Variants in FCER2 observed in about 807,000 individuals in gnomAD.
The protein encoded by FCER2 is Fc epsilon receptor II.
FCER2 carries 38 observed loss-of-function variants against 49.7 expected under a neutral mutation model. That is an observed-to-expected ratio of 0.76 (90% confidence interval 0.59 to 1.00). FCER2 has a LOEUF of 1.00. Among genes scored for constraint, FCER2 ranks in the 50% least tolerant of loss-of-function variants. The pLI is 0.00. For missense variants in FCER2, 425 were observed against 419.5 expected (o/e 1.01, Z -0.11); for synonymous variants, 163 against 164.6 (o/e 0.99, Z 0.07).
At chr19:7,701,488 G>A (rs1161550976) in intron 1 of FCER2, among the ~76,000 whole-genome samples, 1 of 152,098 alleles carries the variant, frequency 6.6e-6, no homozygotes, top group East Asian at 1.9e-4. Context: ...GATGCTGGGG[G>A]ACTGTCCTCA....
chr19:7,689,904 C>A (rs984091425), intron 10 of FCER2, among the ~76,000 whole-genome samples: 13 of 152,100 alleles, frequency 8.5e-5, no homozygotes, highest in Admixed American at 4.6e-4. Context: ...GCACGAGCCA[C>A]CCTGCCCGGC....
intron 8 of FCER2, among the ~76,000 whole-genome samples, chr19:7,694,189 G>C (rs910483170): frequency 2.6e-5 from 4 of 152,272 alleles, no homozygotes; most frequent in Middle Eastern, 3.4e-3. Context: ...TCAGCCCTCT[G>C]GAGGTGCAGC....
chr19:7,694,734 G>T (rs142810894), intron 8 of FCER2, among the ~76,000 whole-genome samples: 1 of 152,160 alleles, frequency 6.6e-6, no homozygotes, highest in Non-Finnish European at 1.5e-5. Flanking sequence ...GCCCCAGTTA[G>T]GGCAGCTGGG....
Position 7,690,283 on chromosome 19 carries a change from G to T in FCER2, c.622-18C>A, listed in dbSNP as rs764749532. On this transcript the variant is annotated intron_variant, in intron 9 of 10. Coordinates refer to ENST00000597921, the MANE Select transcript of FCER2 (RefSeq NM_001220500.2). Reference sequence around the variant, plus strand: ...AGGAAGTCCTGGGGGACAGGACAGGGCTGGAGGACTGGAGACATGTGCCCG... The same window carrying T: ...AGGAAGTCCTGGGGGACAGGACAGGTCTGGAGGACTGGAGACATGTGCCCG... 1.2e-6 allele frequency: 2 copies of T among 1,609,548 alleles called. No individual in the cohort carries two copies. Among genetic ancestry groups the T allele is most frequent in the Admixed American group, 1.7e-5 (1 of 60,006 alleles).
chr19:7,693,331 C>T (rs775808623), intron 8 of FCER2, among the ~76,000 whole-genome samples: 20 of 152,106 alleles, frequency 1.3e-4, no homozygotes, highest in Non-Finnish European at 2.4e-4. Flanking sequence ...AGACTAGGTC[C>T]CACAATCCCT....
intron 3 of FCER2, 29 bp from the exon 4 acceptor site, chr19:7,698,438 G>A: frequency 2.5e-6 from 4 of 1,572,990 alleles, no homozygotes; most frequent in Non-Finnish European, 3.5e-6. Context: ...GAGGAGTGGA[G>A]AGGGGGGATT....
In FCER2 at chr19:7,689,042, G is replaced by A; in HGVS notation, c.*151C>T. 1.6e-6 allele frequency: 1 copy of A among 622,588 alleles called. No homozygotes were observed. Among genetic ancestry groups the A allele is most frequent in the Non-Finnish European group, 2.9e-6 (1 of 350,696 alleles). The allele number at this position is 622,588 out of a possible 1,614,324, so 38.6% of individuals were successfully genotyped here. On this transcript the variant is annotated 3_prime_UTR_variant, in exon 11 of 11. Transcript: ENST00000597921. ...GGGTGCTGTTGGGGTGTACTCCTGG[G>A]AAGGCAGGGGCCATAGAGGAGCGGG...
rs1599432339 is a variant in FCER2 at position 7,690,850 on chromosome 19, C to T, written c.470-293G>A. Among the ~76,000 whole-genome samples the T allele has an allele frequency of 2.6e-5, 4 of 152,118 alleles. 1 individual carries two copies. The highest frequency in any genetic ancestry group is 9.6e-5 in the African/African-American group (4 of 41,468). Reference sequence around the variant, plus strand: ...CTACCATCAGCATCTCCACAAACACCTCATGGCCAGAAGCACCACAAGCAC... The same window carrying T: ...CTACCATCAGCATCTCCACAAACACTTCATGGCCAGAAGCACCACAAGCAC... On this transcript the variant is annotated intron_variant, in intron 8 of 10. Transcript: ENST00000597921.
chr19:7,694,160 A>G (rs2032956357), intron 8 of FCER2, among the ~76,000 whole-genome samples: 1 of 152,122 alleles, frequency 6.6e-6, no homozygotes, highest in Admixed American at 6.5e-5. Context: ...CTTCTCACCC[A>G]TGAAATGGTA....
chr19:7,694,721 TCTGCCCCAGTTAGGGCAGCTGGGGCTTCC>T, intron 8 of FCER2, among the ~76,000 whole-genome samples: 1 of 152,128 alleles, frequency 6.6e-6, no homozygotes. Flanking sequence ...CTTCCTCTTC[TCTGCCCCAGTTAGGGCAGCTGGGGCTTCC>T]CAGAGGTCAA....
At chr19:7,699,320 C>A in intron 2 of FCER2, 1 of 1,088,570 alleles carries the variant, frequency 9.2e-7, no homozygotes, top group Non-Finnish European at 1.3e-6. Context: ...TCTCCCAGAC[C>A]CCACCCAAAG....
intron 8 of FCER2, among the ~76,000 whole-genome samples, chr19:7,696,540 C>A (rs1318297573): frequency 6.6e-6 from 1 of 152,094 alleles, no homozygotes; most frequent in Non-Finnish European, 1.5e-5. Context: ...CTGGCCAAGA[C>A]CCCTTCTCTT....
chr19:7,693,744 G>A (rs1412082278), intron 8 of FCER2, among the ~76,000 whole-genome samples: 2 of 151,918 alleles, frequency 1.3e-5, no homozygotes, highest in Non-Finnish European at 2.9e-5. Context: ...CACCTCCCGG[G>A]TTCAAGCAAT....
chr19:7,690,178 C>CTAG lies in FCER2; in HGVS notation c.708_709insCTA (p.Asp236_Gly237insLeu). 1 of 1,612,606 alleles carries CTAG rather than the reference C, an allele frequency of 6.2e-7. No homozygotes were observed. The highest frequency in any genetic ancestry group is 8.5e-7 in the Non-Finnish European group (1 of 1,178,606). On this transcript the variant is annotated inframe_insertion, in exon 10 of 11. Coordinates refer to ENST00000597921, the MANE Select transcript of FCER2 (RefSeq NM_001220500.2). ...CCTCACCTGTAGTCCACGTGGCTCC[C>CTAG]ATCCACCCAGATAAACTCCCCCTTC... is the stretch of plus-strand genomic sequence containing the variant.
At chr19:7,692,384 C>G (rs556240351) in intron 8 of FCER2, among the ~76,000 whole-genome samples, 2 of 69,662 alleles carry the variant, frequency 2.9e-5, no homozygotes, top group Admixed American at 2.3e-4. Context: ...ACACATCAAC[C>G]ACCAACACCT....
In FCER2 at chr19:7,698,400, G is replaced by C; in HGVS notation, c.146C>G (p.Thr49Ser). 2 of 1,612,436 alleles carry C rather than the reference G, an allele frequency of 1.2e-6. No homozygotes were observed. Among genetic ancestry groups the C allele is most frequent in the Non-Finnish European group, 1.7e-6 (2 of 1,178,880 alleles). Residue 49 changes from threonine to serine, a missense_variant, in exon 4 of 11, where the codon ACC becomes AGC. Coordinates refer to ENST00000597921, the MANE Select transcript of FCER2 (RefSeq NM_001220500.2). ...TTCCAGCTGTTTTAGACTCTGTGTGGTGTCCCAGTCTGGGGAGGGGGAGAG... is the reference window on the plus strand; with the variant it reads ...TTCCAGCTGTTTTAGACTCTGTGTGCTGTCCCAGTCTGGGGAGGGGGAGAG... ...LTLLLLWHWD[T>S]TQSLKQLEER...
intron 1 of FCER2, among the ~76,000 whole-genome samples, chr19:7,700,506 CTTTATT>C (rs1568492014): frequency 6.6e-6 from 1 of 150,670 alleles, no homozygotes; most frequent in Admixed American, 6.6e-5. Flanking sequence ...AGTGCTCTGA[CTTTATT>C]TATTTATTTA....
In FCER2 at chr19:7,690,439, C is replaced by T; in HGVS notation, c.588G>A (p.Gly196=). The change falls in exon 9 of 11, where the codon GGG becomes GGA. Residue 196 remains glycine, a synonymous_variant. Transcript: ENST00000597921. The part of the protein sequence containing the change: ...HARYACDDME[G]QLVSIHSPEE... The stretch of plus-strand genomic sequence containing the variant: ...CCGGGCTGTGGATGCTGACCAGCTG[C>T]CCTTCCATGTCGTCACAGGCATACC... 4 of 1,614,086 alleles carry T rather than the reference C, an allele frequency of 2.5e-6. No homozygotes were observed. The highest frequency in any genetic ancestry group is 2.5e-6 in the Non-Finnish European group (3 of 1,179,968).
intron 8 of FCER2, among the ~76,000 whole-genome samples, chr19:7,696,207 G>A (rs925118135): frequency 2.0e-5 from 3 of 151,888 alleles, no homozygotes; most frequent in Non-Finnish European, 2.9e-5. Context: ...TCAAGCAATT[G>A]TCCTGTCTCA....
Sources: gnomAD v4.1 joint callset for allele counts (sites outside exome capture counted in the v4.1 genomes callset) on GRCh38, gnomAD v4.1.1 for gene constraint, MANE v1.5 for transcripts, NCBI Gene and HGNC (gene_info 2026-07-23, HGNC 2026-07-21) for gene names.